The following NMNAT2 variants were observed in gnomAD, a reference collection of about 807,000 sequenced individuals.
NMNAT2 encodes nicotinamide nucleotide adenylyltransferase 2.
Under a neutral mutation model 41.6 loss-of-function variants are expected in NMNAT2, and 11 were observed. The ratio of observed to expected loss-of-function variants is 0.26; its 90% CI spans 0.17 to 0.44. The LOEUF (loss-of-function observed/expected upper bound fraction) is 0.44, where lower values mean the gene tolerates loss of function less well. Ranked by LOEUF, NMNAT2 falls within the 20% of genes least tolerant of loss-of-function variation. The probability of loss-of-function intolerance (pLI) is 1.00; values close to 1 mark genes in which losing one functional copy is unlikely to be tolerated. For synonymous variants in NMNAT2, 148 were observed against 151.2 expected (o/e 0.98, Z 0.16); for missense variants, 288 against 407.7 (o/e 0.71, Z 2.53).
Position 183,280,630 on chromosome 1 carries a change from T to C in NMNAT2, c.575-2001A>G, listed in dbSNP as rs536500240. Among the ~76,000 whole-genome samples the C allele has an allele frequency of 8.5e-5, 13 of 152,126 alleles. No homozygotes were observed. The South Asian group carries it at 2.3e-3, about 27-fold the overall frequency. On this transcript the variant is annotated intron_variant, in intron 7 of 10. Coordinates refer to ENST00000287713, the MANE Select transcript of NMNAT2 (RefSeq NM_015039.4). ...CTCAAACTCCTGACCTCAAGTGATCTGCCCACCGTGGCCTCCCAAAGTGCT... is the reference window on the plus strand; with the variant it reads ...CTCAAACTCCTGACCTCAAGTGATCCGCCCACCGTGGCCTCCCAAAGTGCT...
intron 1 of NMNAT2, among the ~76,000 whole-genome samples, chr1:183,389,618 C>T (rs969424730): frequency 1.3e-5 from 2 of 151,216 alleles, no homozygotes; most frequent in African/African-American, 4.9e-5. Flanking sequence ...TGCCTGTAGT[C>T]CCAGCTACTT....
At chr1:183,384,284 T>A (rs184919596) in intron 1 of NMNAT2, among the ~76,000 whole-genome samples, 2 of 152,310 alleles carry the variant, frequency 1.3e-5, no homozygotes, top group Admixed American at 1.3e-4. Flanking sequence ...CACTGCAACC[T>A]CTGCCTCCAG....
At chr1:183,403,283 G>A (rs1648866403) in intron 1 of NMNAT2, among the ~76,000 whole-genome samples, 1 of 152,016 alleles carries the variant, frequency 6.6e-6, no homozygotes, top group African/African-American at 2.4e-5. Context: ...ACTTTTCAAG[G>A]CTGCAGAAAC....
chr1:183,328,021 C>T lies in NMNAT2; in HGVS notation c.86-34228G>A, dbSNP rs566951572. On this transcript the variant is annotated intron_variant, in intron 1 of 10. Transcript: ENST00000287713. ...GTGGCTCATCAACGTCAGCTGCCCC[C>T]ACAGCTTCTAGGGCAGGCGGAGAGG... 5.9e-5 allele frequency among the ~76,000 whole-genome samples: 9 copies of T among 152,292 alleles called. 2 individuals carry two copies. The South Asian group carries it at 1.9e-3, about 32-fold the overall frequency.
At chr1:183,392,226 C>G (rs1188391086) in intron 1 of NMNAT2, among the ~76,000 whole-genome samples, 1 of 152,186 alleles carries the variant, frequency 6.6e-6, no homozygotes, top group Non-Finnish European at 1.5e-5. Flanking sequence ...TACCCCACAC[C>G]AATAAATGGA....
chr1:183,298,369 A>G (rs190455819), intron 1 of NMNAT2, among the ~76,000 whole-genome samples: 183 of 152,348 alleles, frequency 1.2e-3, no homozygotes, highest in African/African-American at 4.3e-3. Flanking sequence ...CAAGATCAAC[A>G]TAAGAAAATT....
chr1:183,412,380 C>G (rs145665100), intron 1 of NMNAT2, among the ~76,000 whole-genome samples: 2,691 of 152,222 alleles, frequency 0.018, 34 homozygotes, highest in Non-Finnish European at 0.029. Flanking sequence ...TGTGCCACCA[C>G]GCCCGGCTAA....
intron 2 of NMNAT2, 116 bp from the exon 3 acceptor site, chr1:183,292,973 G>C: frequency 1.1e-6 from 1 of 900,382 alleles, no homozygotes; most frequent in Non-Finnish European, 1.8e-6. Context: ...TGGTGAGAGG[G>C]AATGAAGAAT....
intron 1 of NMNAT2, among the ~76,000 whole-genome samples, chr1:183,393,608 C>G (rs913239860): frequency 6.6e-6 from 1 of 152,096 alleles, no homozygotes; most frequent in African/African-American, 2.4e-5. Context: ...CTGGCTGGAG[C>G]GCAGTGGCAT....
At chr1:183,401,795 C>T (rs563788564) in intron 1 of NMNAT2, among the ~76,000 whole-genome samples, 3 of 152,148 alleles carry the variant, frequency 2.0e-5, no homozygotes, top group African/African-American at 7.2e-5. Context: ...AACTATCATT[C>T]TGAGCAAACT....
chr1:183,297,605 T>C (rs184240977), intron 1 of NMNAT2, among the ~76,000 whole-genome samples: 4 of 152,282 alleles, frequency 2.6e-5, no homozygotes, highest in Admixed American at 2.6e-4. Context: ...GATCTTGAAC[T>C]CCCGACCTCA....
chr1:183,252,472 G>A lies in NMNAT2; in HGVS notation c.*169C>T. On this transcript the variant is annotated 3_prime_UTR_variant, in exon 11 of 11. Transcript: ENST00000287713. Reference sequence around the variant, plus strand: ...GGAAAGTCTGTCCAAAGATGACTGTGGAATAGGGAATGCCATGGTTCTCTG... The same window carrying A: ...GGAAAGTCTGTCCAAAGATGACTGTAGAATAGGGAATGCCATGGTTCTCTG... The A allele has an allele frequency of 1.6e-6, 1 of 606,730 alleles. No individual in the cohort carries two copies. Among genetic ancestry groups the A allele is most frequent in the Non-Finnish European group, 3.0e-6 (1 of 331,608 alleles). 37.6% of individuals were successfully genotyped at this position (606,730 alleles called of 1,614,324 possible).
At chr1:183,297,073 A>G (rs772371030) in intron 1 of NMNAT2, among the ~76,000 whole-genome samples, 56 of 149,666 alleles carry the variant, frequency 3.7e-4, no homozygotes, top group Non-Finnish European at 7.4e-4. Context: ...CTAACTCTTC[A>G]CTTCCCAAGC....
At chr1:183,396,919 G>A (rs1354461588) in intron 1 of NMNAT2, among the ~76,000 whole-genome samples, 3 of 152,288 alleles carry the variant, frequency 2.0e-5, no homozygotes, top group Admixed American at 6.5e-5. Flanking sequence ...CACTAACATA[G>A]TTTGGTGCCA....
chr1:183,301,042 C>T (rs374699484), intron 1 of NMNAT2, among the ~76,000 whole-genome samples: 57 of 152,252 alleles, frequency 3.7e-4, no homozygotes, highest in African/African-American at 1.3e-3. Context: ...AGTCAGATCT[C>T]GCCTTTATTT....
At chr1:183,347,074 T>C (rs1295163833) in intron 1 of NMNAT2, among the ~76,000 whole-genome samples, 1 of 152,208 alleles carries the variant, frequency 6.6e-6, no homozygotes, top group Non-Finnish European at 1.5e-5. Context: ...GTATCTTCTC[T>C]GACACTTAGT....
chr1:183,365,702 C>A (rs889915905), intron 1 of NMNAT2, among the ~76,000 whole-genome samples: 2 of 151,894 alleles, frequency 1.3e-5, no homozygotes, highest in African/African-American at 4.8e-5. Context: ...CTTGCCACTG[C>A]ACTACAGCCT....
rs12060805 is a variant in NMNAT2 at position 183,334,223 on chromosome 1, T to A, written c.86-40430A>T. ...CTGGGATTACAGGAGCACAACACCA[T>A]GCCCGACTAACTGCTGTATTTTTAG... On this transcript the variant is annotated intron_variant, in intron 1 of 10. Transcript: ENST00000287713. 2.1e-3 allele frequency among the ~76,000 whole-genome samples: 325 copies of A among 152,084 alleles called. 3 individuals are homozygous for A. The highest frequency in any genetic ancestry group is 7.4e-3 in the African/African-American group (309 of 41,494).
rs189507300 is a variant in NMNAT2, at chr1:183,368,770, C to A, written c.85+49413G>T. On this transcript the variant is annotated intron_variant, in intron 1 of 10. Coordinates refer to ENST00000287713, the MANE Select transcript of NMNAT2 (RefSeq NM_015039.4). The stretch of plus-strand genomic sequence containing the variant: ...TCTTCTCAGTCATCCTGCGTTGATA[C>A]CACTTAATTGGATGTATTCCCCAGT... 3.9e-4 allele frequency among the ~76,000 whole-genome samples: 60 copies of A among 152,310 alleles called. 2 individuals are homozygous for A. In the East Asian group the frequency reaches 0.011, roughly 27 times the overall value.
Sources: allele counts gnomAD v4.1 joint callset (sites outside exome capture counted in the v4.1 genomes callset), GRCh38; gene constraint gnomAD v4.1.1; transcripts MANE v1.5; gene names NCBI Gene and HGNC (gene_info 2026-07-23, HGNC 2026-07-21).